FRK: variants seen among roughly 807,000 people sequenced by gnomAD.
FRK encodes fyn related Src family tyrosine kinase.
FRK carries 51 observed loss-of-function variants against 56.4 expected under a neutral mutation model. The ratio of observed to expected loss-of-function variants is 0.90; its 90% confidence interval spans 0.72 to 1.14. The LOEUF is 1.14. FRK is among the 50% of genes most tolerant of loss of function. The pLI, the probability that FRK is intolerant of heterozygous loss-of-function variation, is 0.00. For missense variants in FRK, 570 were observed against 601.4 expected (o/e 0.95, Z 0.55); for synonymous variants, 245 against 217.9 (o/e 1.12, Z -1.10).
chr6:115,944,107 TTGGACTAC>T (rs1772319798), intron 6 of FRK, 129 bp downstream of exon 6: 1 of 617,908 alleles, frequency 1.6e-6, no homozygotes, highest in Non-Finnish European at 2.6e-6. Context: ...TTGTAAGGCT[TTGGACTAC>T]TGAAGTAGTT....
intron 4 of FRK, among the ~76,000 whole-genome samples, chr6:115,966,576 G>A (rs1160042081): frequency 6.6e-6 from 1 of 152,168 alleles, no homozygotes; most frequent in Non-Finnish European, 1.5e-5. Context: ...TCTGCCACCA[G>A]GAGGTTTACC....
rs1425882864 is a variant in FRK at position 115,959,984 on chromosome 6, T to C, written c.800-3374A>G. Among the ~76,000 whole-genome samples, 4 of 152,108 alleles carry C rather than the reference T, an allele frequency of 2.6e-5. No homozygotes were observed. The East Asian group carries it at 7.7e-4, about 29-fold the overall frequency. ...GAAAATAAAAAAAAAAACTAACAGT[T>C]ATTTTGATTACTGGGTTAGATCCAA... is the stretch of plus-strand genomic sequence containing the variant. On this transcript the variant is annotated intron_variant, in intron 4 of 7. Coordinates refer to ENST00000606080, the MANE Select transcript of FRK (RefSeq NM_002031.3).
chr6:116,078,758 C>A, the FRK span, among the ~76,000 whole-genome samples: 1 of 152,196 alleles, frequency 6.6e-6, no homozygotes, highest in South Asian at 2.1e-4. Context: ...CTACCTCTCC[C>A]AGTGCCAAAC....
At chr6:115,950,418 T>A (rs1343206319) in intron 5 of FRK, among the ~76,000 whole-genome samples, 1 of 151,932 alleles carries the variant, frequency 6.6e-6, no homozygotes, top group Non-Finnish European at 1.5e-5. Context: ...AACAAATATA[T>A]GAAAAAAAGC....
chr6:116,022,792 C>G (rs1368268245), intron 1 of FRK, among the ~76,000 whole-genome samples: 3 of 152,104 alleles, frequency 2.0e-5, no homozygotes, highest in African/African-American at 7.2e-5. Context: ...ATTCAGGCAA[C>G]TTAATTATCT....
chr6:116,035,477 T>C (rs1776442894), intron 1 of FRK, among the ~76,000 whole-genome samples: 3 of 152,022 alleles, frequency 2.0e-5, no homozygotes, highest in African/African-American at 7.2e-5. Flanking sequence ...TACATATCCA[T>C]CAAAAACACA....
chr6:116,015,345 T>C (rs952435934), intron 1 of FRK, among the ~76,000 whole-genome samples: 1 of 152,172 alleles, frequency 6.6e-6, no homozygotes, highest in Non-Finnish European at 1.5e-5. Flanking sequence ...CCACCATGAT[T>C]GTAAGTTTCC....
At position 116,027,361 on chromosome 6, in the gene FRK, A is replaced by C. The variant is rs908424777; in HGVS notation, c.345-23363T>G. Among the ~76,000 whole-genome samples the C allele has an allele frequency of 4.3e-4, 66 of 152,312 alleles. 1 individual carries two copies. The highest frequency in any genetic ancestry group is 1.6e-3 in the African/African-American group (65 of 41,574). ...TTATAATAGTGAATATAAGTGGCCT[A>C]AATGCTCCCATCAAGTCATAGAATT... On this transcript the variant is annotated intron_variant, in intron 1 of 7. Transcript: ENST00000606080.
chr6:116,010,485 C>A (rs1475094850), intron 1 of FRK, among the ~76,000 whole-genome samples: 1 of 152,018 alleles, frequency 6.6e-6, no homozygotes, highest in Admixed American at 6.5e-5. Flanking sequence ...TTGATAGATA[C>A]AGGAAAAAAT....
intron 1 of FRK, among the ~76,000 whole-genome samples, chr6:116,016,367 G>A (rs561714116): frequency 9.2e-5 from 14 of 152,198 alleles, no homozygotes; most frequent in Non-Finnish European, 1.5e-4. Flanking sequence ...AAGAGAAATA[G>A]TTAAGGTAAT....
At position 115,992,073 on chromosome 6, in the gene FRK, C is replaced by T. The variant is rs546024866; in HGVS notation, c.466+11804G>A. 2.0e-5 allele frequency among the ~76,000 whole-genome samples: 3 copies of T among 151,506 alleles called. No individual in the cohort carries two copies. In the East Asian group the frequency reaches 5.8e-4, roughly 29 times the overall value. On this transcript the variant is annotated intron_variant, in intron 2 of 7. Coordinates refer to ENST00000606080, the MANE Select transcript of FRK (RefSeq NM_002031.3). Reference sequence around the variant, plus strand: ...CTTCTCTCTCTCTTTTTGTTTCTTTCTTTTAGTTAACCTAGCTAATAGTCT... The same window carrying T: ...CTTCTCTCTCTCTTTTTGTTTCTTTTTTTTAGTTAACCTAGCTAATAGTCT...
intron 1 of FRK, among the ~76,000 whole-genome samples, chr6:116,015,016 G>C (rs931416643): frequency 6.6e-6 from 1 of 152,050 alleles, no homozygotes; most frequent in African/African-American, 2.4e-5. Flanking sequence ...ATAAGGCCAA[G>C]TGTTTCTTCT....
chr6:115,958,291 C>CA (rs1230560512), intron 4 of FRK, among the ~76,000 whole-genome samples: 2 of 119,756 alleles, frequency 1.7e-5, no homozygotes, highest in African/African-American at 6.1e-5. Flanking sequence ...CCACCCCCCC[C>CA]AAAAAAGAAG....
chr6:115,958,768 A>AAAAGAAAGAG (rs1292819468), intron 4 of FRK, among the ~76,000 whole-genome samples: 1 of 80,700 alleles, frequency 1.2e-5, no homozygotes, highest in Non-Finnish European at 2.3e-5. Flanking sequence ...AGAAAGAAAG[A>AAAAGAAAGAG]GGGGGGGGAA....
rs777865782 is a variant in FRK at position 115,956,602 on chromosome 6, C to T, written c.808G>A (p.Asp270Asn). The T allele has an allele frequency of 7.7e-6, 12 of 1,551,234 alleles. No individual in the cohort carries two copies. Among genetic ancestry groups the T allele is most frequent in the Non-Finnish European group, 1.0e-5 (12 of 1,150,180 alleles). Residue 270 changes from aspartate to asparagine, a missense_variant, in exon 5 of 8, where the codon GAT becomes AAT. Coordinates refer to ENST00000606080, the MANE Select transcript of FRK (RefSeq NM_002031.3). ...AVKTLKPGSM[D>N]PNDFLREAQI... ...GCCTCCCTCAGGAAGTCATTTGGAT[C>T]CATTGAACCTGAAACAAGAAGAGGG...
In FRK at chr6:115,935,755, A is replaced by G. The variant is rs1250547687; in HGVS notation, c.*6659T>C. The stretch of plus-strand genomic sequence containing the variant: ...TGGGAGTTCGAATTGGGTAGAGCCC[A>G]CCACCTCAGCTCAGCAAGGCCACTC... On this transcript the variant is annotated 3_prime_UTR_variant, in exon 8 of 8. Transcript: ENST00000606080. 6.6e-6 allele frequency: 1 copy of G among 152,254 alleles called. No homozygotes were observed. Among genetic ancestry groups the G allele is most frequent in the East Asian group, 1.9e-4 (1 of 5,190 alleles). The allele number at this position is 152,254 out of a possible 1,614,324, so 9.4% of individuals were successfully genotyped here.
chr6:116,039,702 G>A (rs184358142), intron 1 of FRK, among the ~76,000 whole-genome samples: 3 of 152,006 alleles, frequency 2.0e-5, no homozygotes, highest in Admixed American at 6.5e-5. Flanking sequence ...TAGTATAATC[G>A]TTGGAACTAG....
At chr6:116,076,435 T>G in the FRK span, among the ~76,000 whole-genome samples, 1 of 152,270 alleles carries the variant, frequency 6.6e-6, no homozygotes, top group Admixed American at 6.5e-5. Flanking sequence ...TTCTTGATTT[T>G]AAAAATGATT....
chr6:115,978,457 A>G (rs1382223358), intron 2 of FRK, among the ~76,000 whole-genome samples: 1 of 152,226 alleles, frequency 6.6e-6, no homozygotes, highest in Admixed American at 6.5e-5. Context: ...TTCAGATGCC[A>G]ATCCATGTTC....
Sources: allele counts gnomAD v4.1 joint callset (sites outside exome capture counted in the v4.1 genomes callset), GRCh38; gene constraint gnomAD v4.1.1; transcripts MANE v1.5; gene names NCBI Gene and HGNC (gene_info 2026-07-23, HGNC 2026-07-21).